CNKSR2: variants seen among roughly 807,000 people sequenced by gnomAD.
CNKSR2 encodes the protein connector enhancer of kinase suppressor of Ras 2.
In CNKSR2, 14 loss-of-function variants were observed where a neutral mutation model predicts 84.4. The ratio of observed to expected loss-of-function variants is 0.17; its 90% CI spans 0.11 to 0.26. CNKSR2 has a LOEUF of 0.26. Among genes scored for constraint, CNKSR2 ranks in the 10% least tolerant of loss-of-function variants. CNKSR2 has a pLI of 1.00. For missense variants in CNKSR2, 485 were observed against 771.2 expected (o/e 0.63, Z 4.40); for synonymous variants, 275 against 277.9 (o/e 0.99, Z 0.10).
At chrX:21,561,194 A>AC (rs1300706043) in intron 11 of CNKSR2, among the ~76,000 whole-genome samples, 3 of 109,261 alleles carry the variant, frequency 2.7e-5, no homozygotes, top group Non-Finnish European at 5.7e-5. Flanking sequence ...AAAAAAAAAA[A>AC]AAAAAACTAT....
intron 11 of CNKSR2, among the ~76,000 whole-genome samples, chrX:21,533,741 TAAAAG>T (rs1441971534): frequency 1.8e-5 from 2 of 111,167 alleles, no homozygotes; most frequent in African/African-American, 6.5e-5. Flanking sequence ...TGTACATACT[TAAAAG>T]AGAGAAGTAA....
Position 21,482,174 on chromosome X carries a change from A to G in CNKSR2, c.562-8285A>G, listed in dbSNP as rs759684178. Among the ~76,000 whole-genome samples, 206 of 112,639 alleles carry G rather than the reference A, an allele frequency of 1.8e-3. 1 individual carries two copies. The highest frequency in any genetic ancestry group is 3.5e-3 in the Non-Finnish European group (189 of 53,342). On this transcript the variant is annotated intron_variant, in intron 5 of 21. Coordinates refer to ENST00000379510, the MANE Select transcript of CNKSR2 (RefSeq NM_014927.5). ...TTTTTAAAGCCAAAGAGAGACTAGT[A>G]GCCAGCAGAGAATAAATACGAGAAC...
At chrX:21,553,489 G>C (rs1442335868) in intron 11 of CNKSR2, among the ~76,000 whole-genome samples, 1 of 107,068 alleles carries the variant, frequency 9.3e-6, no homozygotes, top group East Asian at 2.9e-4. Flanking sequence ...CTGTGAATGT[G>C]TCCATTAGGG....
chrX:21,611,171 A>G (rs926901220), intron 20 of CNKSR2, among the ~76,000 whole-genome samples: 8 of 112,297 alleles, frequency 7.1e-5, no homozygotes, highest in Non-Finnish European at 1.5e-4. Flanking sequence ...TTAATATTCT[A>G]AAGATTACTA....
chrX:21,554,151 G>A (rs2092117512), intron 11 of CNKSR2, among the ~76,000 whole-genome samples: 1 of 111,667 alleles, frequency 9.0e-6, no homozygotes, highest in Admixed American at 9.5e-5. Context: ...CTTACAAAAG[G>A]TAATTTGGTT....
intron 1 of CNKSR2, chrX:21,423,726 A>G (rs1441044872): frequency 9.0e-6 from 1 of 111,696 alleles, no homozygotes; most frequent in Non-Finnish European, 1.9e-5. Flanking sequence ...TCATTCATTC[A>G]AATGCCACTT....
intron 20 of CNKSR2, among the ~76,000 whole-genome samples, chrX:21,639,546 C>T (rs2092685186): frequency 9.0e-6 from 1 of 111,711 alleles, no homozygotes; most frequent in Admixed American, 9.5e-5. Flanking sequence ...TTTCATTTTG[C>T]CATAATCTCA....
At chrX:21,463,232 T>C (rs1170296140) in intron 4 of CNKSR2, among the ~76,000 whole-genome samples, 1 of 111,249 alleles carries the variant, frequency 9.0e-6, no homozygotes, top group Admixed American at 9.6e-5. Flanking sequence ...TTTGGTTTGC[T>C]AGTATTTTGT....
At chrX:21,449,033 G>A (rs760516290) in intron 4 of CNKSR2, among the ~76,000 whole-genome samples, 21 of 111,692 alleles carry the variant, frequency 1.9e-4, no homozygotes, top group African/African-American at 6.2e-4. Flanking sequence ...GGCCAGGCGC[G>A]TTGGCTCATG....
At chrX:21,541,335 G>T (rs2091975606) in intron 11 of CNKSR2, among the ~76,000 whole-genome samples, 1 of 111,815 alleles carries the variant, frequency 8.9e-6, no homozygotes, top group South Asian at 3.7e-4. Context: ...AGATTCTTAT[G>T]TTATACCATG....
intron 1 of CNKSR2, chrX:21,422,179 CT>C (rs2090506630): frequency 8.9e-6 from 1 of 111,751 alleles, no homozygotes; most frequent in Admixed American, 9.5e-5. Flanking sequence ...TAAGTGGATG[CT>C]TATGGAATTT....
chrX:21,389,603 T>C (rs2090020000), intron 1 of CNKSR2, among the ~76,000 whole-genome samples: 1 of 112,050 alleles, frequency 8.9e-6, no homozygotes, highest in East Asian at 2.8e-4. Context: ...AAAAGGGCAC[T>C]TGGGATATAG....
rs750254579 is a variant in CNKSR2 at position 21,426,536 on chromosome X, A to T, written c.104A>T (p.Glu35Val). 8.3e-7 allele frequency: 1 copy of T among 1,209,125 alleles called. No individual in the cohort carries two copies. The highest frequency in any genetic ancestry group is 2.2e-5 in the Admixed American group (1 of 45,777). ...TTGCAGCAGTATATTAAGAACTTTG[A>T]GAGGGAGAAGATCAGTGGGGACCAG... ...DCLQQYIKNF[E>V]REKISGDQLL... is the part of the protein sequence containing the mutation. Residue 35 changes from glutamate (E) to valine (V), a missense_variant, in exon 2 of 22, where the codon GAG (glutamate) becomes GTG (valine). Transcript: ENST00000379510.
rs764452081 is a variant in CNKSR2 at position 21,627,636 on chromosome X, A to AAG, written c.2692+18028_2692+18029dup. Among the ~76,000 whole-genome samples, 8 of 112,188 alleles carry AAG rather than the reference A, an allele frequency of 7.1e-5. No homozygotes were observed. The East Asian group carries it at 2.0e-3, about 28-fold the overall frequency. ...TGTCTTACATGGATGGCCTCAGGCA[A>AAG]AGAGAGAGAGCTTGTGGAGGGAAAC... On this transcript the variant is annotated intron_variant, in intron 20 of 21. Transcript: ENST00000379510.
rs756881133 is a variant in CNKSR2 at position 21,540,098 on chromosome X, G to A, written c.1303+8031G>A. ...ATAAATCCTAATTACCCAAAGGGAA[G>A]AAACAAATAAATAGATGCATCACAG... On this transcript the variant is annotated intron_variant, in intron 11 of 21. Transcript: ENST00000379510. 2.7e-5 allele frequency among the ~76,000 whole-genome samples: 3 copies of A among 112,103 alleles called. No homozygotes were observed. In the South Asian group the frequency reaches 1.1e-3, roughly 41 times the overall value.
At chrX:21,593,200 G>A (rs1314834331) in intron 15 of CNKSR2, 3 of 111,454 alleles carry the variant, frequency 2.7e-5, no homozygotes, top group Non-Finnish European at 5.7e-5. Context: ...AATGTCAAGG[G>A]TAAAGTAACA....
intron 13 of CNKSR2, among the ~76,000 whole-genome samples, chrX:21,573,274 A>G (rs1280967543): frequency 8.9e-6 from 1 of 112,076 alleles, no homozygotes; most frequent in African/African-American, 3.2e-5. Flanking sequence ...ATGAACTGGC[A>G]TTGAGTGCCT....
intron 1 of CNKSR2, among the ~76,000 whole-genome samples, chrX:21,388,743 T>C (rs1307433756): frequency 9.0e-6 from 1 of 111,624 alleles, no homozygotes; most frequent in Non-Finnish European, 1.9e-5. Context: ...AAATCATTTA[T>C]ATACATACTC....
rs1267954886 is a variant in CNKSR2 at position 21,648,236 on chromosome X, A to G, written c.2693-595A>G. 2.7e-5 allele frequency among the ~76,000 whole-genome samples: 3 copies of G among 111,781 alleles called. No individual in the cohort carries two copies. In the East Asian group the frequency reaches 8.3e-4, roughly 31 times the overall value. ...TATTTACAATGTACAAGGCATTACT[A>G]TGGCAGTCACATGAAACCTAGTAAT... On this transcript the variant is annotated intron_variant, in intron 20 of 21. Coordinates refer to ENST00000379510, the MANE Select transcript of CNKSR2 (RefSeq NM_014927.5).
Sources: gnomAD v4.1 joint callset for allele counts (sites outside exome capture counted in the v4.1 genomes callset) on GRCh38, gnomAD v4.1.1 for gene constraint, MANE v1.5 for transcripts, NCBI Gene and HGNC (gene_info 2026-07-23, HGNC 2026-07-21) for gene names.